Variants in FAM168A observed in about 807,000 individuals in gnomAD.
FAM168A encodes the protein protein FAM168A.
FAM168A carries 3 observed loss-of-function variants against 28.5 expected under a neutral mutation model. That is an observed-to-expected ratio of 0.11 (90% CI 0.05 to 0.27). The LOEUF (loss-of-function observed/expected upper bound fraction) is 0.27, where lower values mean the gene tolerates loss of function less well. Ranked by LOEUF, FAM168A falls within the 10% of genes least tolerant of loss-of-function variation. The probability of loss-of-function intolerance (pLI) is 1.00; values close to 1 mark genes in which losing one functional copy is unlikely to be tolerated. For missense variants in FAM168A, 222 were observed against 311.5 expected, an observed-to-expected ratio of 0.71 and a Z score of 2.16; for synonymous variants, 122 against 124.2, an observed-to-expected ratio of 0.98 and a Z score of 0.12.
Position 73,564,725 on chromosome 11 carries a change from A to G in FAM168A, c.-19+33198T>C, listed in dbSNP as rs1944000660. On this transcript the variant is annotated intron_variant, in intron 1 of 7. Transcript: ENST00000356467. ...GCAACTGCACTCCAGCCTGGGCGACACAGTGAGACTCCGTCACAAAAAAAA... is the reference window on the plus strand; with the variant it reads ...GCAACTGCACTCCAGCCTGGGCGACGCAGTGAGACTCCGTCACAAAAAAAA... Among the ~76,000 whole-genome samples the G allele has an allele frequency of 4.2e-5, 6 of 144,106 alleles. No homozygotes were observed. In the Admixed American group the frequency reaches 4.2e-4, roughly 10 times the overall value. The allele number at this position is 144,106 out of a possible 152,430, so 94.5% of individuals were successfully genotyped here. A position where few individuals can be genotyped will look rare whatever the true frequency, so the allele number is the denominator to read the frequency against.
chr11:73,439,014 T>C (rs567518562), intron 2 of FAM168A, among the ~76,000 whole-genome samples: 23 of 150,208 alleles, frequency 1.5e-4, no homozygotes, highest in African/African-American at 5.4e-4. Flanking sequence ...CTTGAATCTG[T>C]TAGCTCCAGA....
At position 73,406,595 on chromosome 11, in the gene FAM168A, C is replaced by T. The variant is rs1043934344; in HGVS notation, c.*168G>A. ...TTAGAAAAAGCAGCTTTTACAAAAA[C>T]CAAAAATAAAAATCAAAACCATTAA... is the stretch of plus-strand genomic sequence containing the variant. On this transcript the variant is annotated 3_prime_UTR_variant, in exon 8 of 8. Transcript: ENST00000356467. 2.0e-5 allele frequency: 3 copies of T among 152,558 alleles called. No homozygotes were observed. Among genetic ancestry groups the T allele is most frequent in the African/African-American group, 7.2e-5 (3 of 41,422 alleles). 9.5% of individuals were successfully genotyped at this position (152,558 alleles called of 1,614,324 possible).
chr11:73,450,167 C>T (rs768013470), intron 2 of FAM168A, among the ~76,000 whole-genome samples: 1 of 152,206 alleles, frequency 6.6e-6, no homozygotes, highest in Admixed American at 6.5e-5. Context: ...TGAGAAGGTG[C>T]CAGCAGCCCC....
chr11:73,501,524 G>A (rs1220623833), intron 1 of FAM168A, among the ~76,000 whole-genome samples: 1 of 152,064 alleles, frequency 6.6e-6, no homozygotes, highest in Non-Finnish European at 1.5e-5. Flanking sequence ...ATAGAACTTA[G>A]GATTAAGAAA....
At chr11:73,468,763 C>A (rs1271872672) in intron 1 of FAM168A, among the ~76,000 whole-genome samples, 1 of 152,248 alleles carries the variant, frequency 6.6e-6, no homozygotes, top group Non-Finnish European at 1.5e-5. Flanking sequence ...GTTAGTCCCA[C>A]TATCCCACAG....
chr11:73,462,550 T>C (rs898205352), intron 2 of FAM168A, among the ~76,000 whole-genome samples: 2 of 152,132 alleles, frequency 1.3e-5, no homozygotes, highest in African/African-American at 4.8e-5. Flanking sequence ...ACAATATGAA[T>C]GTACTTAATG....
At chr11:73,493,815 G>A (rs1382443456) in intron 1 of FAM168A, among the ~76,000 whole-genome samples, 1 of 152,212 alleles carries the variant, frequency 6.6e-6, no homozygotes, top group Non-Finnish European at 1.5e-5. Flanking sequence ...GAGATGGAGA[G>A]AGGAAAGAAC....
chr11:73,545,441 G>A (rs1943734697), intron 1 of FAM168A, among the ~76,000 whole-genome samples: 1 of 152,016 alleles, frequency 6.6e-6, no homozygotes, highest in African/African-American at 2.4e-5. Context: ...GGCTGGTGGA[G>A]AAGGGGACAA....
chr11:73,590,939 T>C (rs1944373591), intron 1 of FAM168A, among the ~76,000 whole-genome samples: 2 of 152,136 alleles, frequency 1.3e-5, no homozygotes, highest in Admixed American at 1.3e-4. Flanking sequence ...GGTCAGGGGT[T>C]CAAGACCAGC....
At chr11:73,481,732 A>G (rs1867969808) in intron 1 of FAM168A, among the ~76,000 whole-genome samples, 1 of 152,202 alleles carries the variant, frequency 6.6e-6, no homozygotes, top group African/African-American at 2.4e-5. Context: ...ATGTAGTTAG[A>G]GAGAGCTAGC....
chr11:73,453,304 C>T (rs1415048965), intron 2 of FAM168A, among the ~76,000 whole-genome samples: 1 of 152,158 alleles, frequency 6.6e-6, no homozygotes, highest in Non-Finnish European at 1.5e-5. Flanking sequence ...TACCCAGACA[C>T]CATTTTTTTC....
chr11:73,590,238 C>CA (rs1009696913), intron 1 of FAM168A, among the ~76,000 whole-genome samples: 2 of 151,722 alleles, frequency 1.3e-5, no homozygotes, highest in African/African-American at 2.4e-5. Context: ...CCTGTCTCTA[C>CA]AAAAAAAATT....
intron 1 of FAM168A, among the ~76,000 whole-genome samples, chr11:73,496,883 A>G: frequency 6.9e-6 from 1 of 144,630 alleles, no homozygotes; most frequent in East Asian, 2.0e-4. Flanking sequence ...TCACACACAC[A>G]CACACACACA....
intron 2 of FAM168A, among the ~76,000 whole-genome samples, chr11:73,435,989 C>T (rs1467468241): frequency 1.3e-5 from 2 of 152,166 alleles, no homozygotes; most frequent in Non-Finnish European, 1.5e-5. Context: ...AAAAGCAATG[C>T]CTTTTCCACA....
intron 3 of FAM168A, among the ~76,000 whole-genome samples, chr11:73,428,139 A>G (rs1242258561): frequency 1.3e-5 from 2 of 151,872 alleles, no homozygotes; most frequent in Non-Finnish European, 2.9e-5. Flanking sequence ...TCCACCTGCT[A>G]CTCAACTTCC....
chr11:73,596,335 A>G (rs1156851446), intron 1 of FAM168A, among the ~76,000 whole-genome samples: 1 of 152,122 alleles, frequency 6.6e-6, no homozygotes, highest in Non-Finnish European at 1.5e-5. Flanking sequence ...AAAGATATCC[A>G]TTACATTCCA....
At chr11:73,596,477 C>T (rs1160582354) in intron 1 of FAM168A, among the ~76,000 whole-genome samples, 1 of 152,124 alleles carries the variant, frequency 6.6e-6, no homozygotes, top group African/African-American at 2.4e-5. Flanking sequence ...CAACTTTACC[C>T]TTTGGGCTGA....
chr11:73,546,517 G>C (rs1450456742), intron 1 of FAM168A, among the ~76,000 whole-genome samples: 1 of 152,202 alleles, frequency 6.6e-6, no homozygotes, highest in Non-Finnish European at 1.5e-5. Context: ...CAGATGACCT[G>C]AGGTCAGGAG....
intron 1 of FAM168A, among the ~76,000 whole-genome samples, chr11:73,544,686 A>AC (rs1042197263): frequency 3.2e-5 from 4 of 124,966 alleles, no homozygotes; most frequent in African/African-American, 1.2e-4. Flanking sequence ...ATATATAATT[A>AC]TATATTTTAT....
Sources: allele counts gnomAD v4.1 joint callset (sites outside exome capture counted in the v4.1 genomes callset), GRCh38; gene constraint gnomAD v4.1.1; transcripts MANE v1.5; gene names NCBI Gene and HGNC (gene_info 2026-07-23, HGNC 2026-07-21).